The following EDNRB variants were observed in gnomAD, a reference collection of about 807,000 sequenced individuals.
EDNRB encodes the protein endothelin receptor type B.
A neutral mutation model predicts 46.4 loss-of-function variants in EDNRB; 18 were observed. The ratio of observed to expected loss-of-function variants is 0.39; its 90% CI spans 0.27 to 0.57. The LOEUF is 0.57. Among genes scored for constraint, EDNRB ranks in the 20% least tolerant of loss-of-function variants. The pLI, the probability that EDNRB is intolerant of heterozygous loss-of-function variation, is 0.61. For missense variants in EDNRB, 434 were observed against 537.5 expected (o/e 0.81, Z 1.90); for synonymous variants, 213 against 204.9 (o/e 1.04, Z -0.34).
intron 1 of EDNRB, among the ~76,000 whole-genome samples, chr13:77,973,800 C>G: frequency 6.6e-6 from 1 of 152,032 alleles, no homozygotes; most frequent in East Asian, 1.9e-4. Flanking sequence ...ATGACTTTCG[C>G]AGGCAGTTCT....
chr13:77,948,238 A>AT lies in EDNRB; in HGVS notation c.-52+27108dup, dbSNP rs201104145. Among the ~76,000 whole-genome samples the AT allele has an allele frequency of 7.3e-4, 111 of 151,736 alleles. No homozygotes were observed. In the East Asian group the frequency reaches 0.017, roughly 23 times the overall value. On this transcript the variant is annotated intron_variant, in intron 1 of 7. Transcript: ENST00000646948. ...AGATTTCCTTGGGGATCAAATAGGAATTTTTTTTTCAAAGAGGAATTTTAA... is the reference window on the plus strand; with the variant it reads ...AGATTTCCTTGGGGATCAAATAGGAATTTTTTTTTTCAAAGAGGAATTTTAA...
chr13:77,964,632 G>A (rs559542182), intron 1 of EDNRB, among the ~76,000 whole-genome samples: 12 of 152,304 alleles, frequency 7.9e-5, no homozygotes, highest in African/African-American at 2.6e-4. Flanking sequence ...CTGTCATGGG[G>A]TGCGGAGAAG....
At position 77,916,552 on chromosome 13, in the gene EDNRB, A is replaced by G. The variant is rs532312175; in HGVS notation, c.483+1539T>C. On this transcript the variant is annotated intron_variant, in intron 1 of 6. Transcript: ENST00000646607. ...TTTAGAGAAAACTATATCCTAATCC[A>G]CTCTCACCGCTAAACCTCAGAAATG... Among the ~76,000 whole-genome samples the G allele has an allele frequency of 2.6e-5, 4 of 152,158 alleles. No individual in the cohort carries two copies. The South Asian group carries it at 8.3e-4, about 32-fold the overall frequency.
chr13:77,920,164 A>G (rs568613240), upstream of EDNRB, among the ~76,000 whole-genome samples: 1 of 152,192 alleles, frequency 6.6e-6, no homozygotes, highest in African/African-American at 2.4e-5. Context: ...AGGCATTTTT[A>G]TACTGTACCT....
exon 1 of EDNRB, chr13:77,975,374 A>G (rs1030269273): frequency 6.6e-6 from 1 of 152,390 alleles, no homozygotes; most frequent in South Asian, 2.1e-4. Flanking sequence ...GACTCCAAGT[A>G]CCAGTTCCTT....
At chr13:77,934,144 T>G (rs982108572) in intron 1 of EDNRB, among the ~76,000 whole-genome samples, 7 of 152,142 alleles carry the variant, frequency 4.6e-5, no homozygotes, top group Non-Finnish European at 4.4e-5. Flanking sequence ...AGGGCATGTA[T>G]GCGTAGTTGA....
chr13:77,914,548 G>T (rs1166096886), intron 1 of EDNRB, among the ~76,000 whole-genome samples: 1 of 152,116 alleles, frequency 6.6e-6, no homozygotes, highest in Non-Finnish European at 1.5e-5. Context: ...CGTAAGCAAC[G>T]CTTATTATTT....
At chr13:77,967,257 G>A (rs1358385788) in intron 1 of EDNRB, among the ~76,000 whole-genome samples, 2 of 151,852 alleles carry the variant, frequency 1.3e-5, no homozygotes, top group Non-Finnish European at 2.9e-5. Flanking sequence ...ACCTTTTTTT[G>A]TCTTCTTTAA....
intron 1 of EDNRB, among the ~76,000 whole-genome samples, chr13:77,959,153 C>T (rs139055331): frequency 1.2e-3 from 181 of 152,306 alleles, no homozygotes; most frequent in African/African-American, 4.3e-3. Context: ...TGAACCTCTG[C>T]AGACTTAAAT....
At chr13:77,969,968 G>T (rs908571380) in intron 1 of EDNRB, among the ~76,000 whole-genome samples, 1 of 152,004 alleles carries the variant, frequency 6.6e-6, no homozygotes, top group Non-Finnish European at 1.5e-5. Context: ...AAAAAACTTG[G>T]TTTTCCTTGA....
intron 1 of EDNRB, among the ~76,000 whole-genome samples, chr13:77,955,509 T>C (rs1881210021): frequency 6.6e-6 from 1 of 152,174 alleles, no homozygotes; most frequent in African/African-American, 2.4e-5. Context: ...TTTTGTTGCT[T>C]ATGCTTTTGG....
chr13:77,918,724 C>T lies in EDNRB; in HGVS notation c.-151G>A, dbSNP rs200454260. Reference sequence around the variant, plus strand: ...CCGCCCGCAGCCTCTTCGCCAGTATCCACGCTCAAAAGTAACTCAAGTTTG... The same window carrying T: ...CCGCCCGCAGCCTCTTCGCCAGTATTCACGCTCAAAAGTAACTCAAGTTTG... On this transcript the variant is annotated 5_prime_UTR_variant, in exon 1 of 7. Coordinates refer to ENST00000646607, the MANE Select transcript of EDNRB (RefSeq NM_001122659.3). The surrounding 1 kb of genome is among the most constrained non-coding windows in gnomAD (Gnocchi z 4.5). 9.7e-6 allele frequency: 13 copies of T among 1,344,706 alleles called. No individual in the cohort carries two copies. Among genetic ancestry groups the T allele is most frequent in the Non-Finnish European group, 1.2e-5 (13 of 1,052,694 alleles). 83.3% of individuals were successfully genotyped at this position (1,344,706 alleles called of 1,614,324 possible).
At chr13:77,900,963 TATA>T in intron 4 of EDNRB, 92 bp downstream of exon 4, 1 of 1,447,704 alleles carries the variant, frequency 6.9e-7, no homozygotes, top group Non-Finnish European at 9.5e-7. Flanking sequence ...TGCTCTGGTA[TATA>T]ATAATGTTAG....
chr13:77,975,150 G>A (rs1392330970), intron 1 of EDNRB, among the ~76,000 whole-genome samples: 1 of 152,120 alleles, frequency 6.6e-6, no homozygotes, highest in Non-Finnish European at 1.5e-5. Flanking sequence ...CAAAGTGCCG[G>A]TACAGGCACA....
chr13:77,924,768 T>A (rs146394538), upstream of EDNRB, among the ~76,000 whole-genome samples: 1,985 of 152,228 alleles, frequency 0.013, 40 homozygotes, highest in African/African-American at 0.045. Context: ...GATGATTGAA[T>A]TATGGGGGCA....
chr13:77,929,632 T>C (rs993188913), intron 1 of EDNRB, among the ~76,000 whole-genome samples: 1 of 152,166 alleles, frequency 6.6e-6, no homozygotes, highest in Non-Finnish European at 1.5e-5. Context: ...CGGGTGACTA[T>C]TCCAACACTT....
At chr13:77,960,427 C>A (rs2137683838) in intron 1 of EDNRB, among the ~76,000 whole-genome samples, 1 of 152,218 alleles carries the variant, frequency 6.6e-6, no homozygotes, top group African/African-American at 2.4e-5. Context: ...AATTTCATAT[C>A]CAGCCAAACT....
intron 1 of EDNRB, among the ~76,000 whole-genome samples, chr13:77,975,178 A>G (rs1881851776): frequency 6.6e-6 from 1 of 152,222 alleles, no homozygotes; most frequent in Non-Finnish European, 1.5e-5. Flanking sequence ...TGATCAGGCC[A>G]TGCTTCCACT....
Position 77,903,612 on chromosome 13 carries a change from A to C in EDNRB, c.484-5T>G. 1 of 1,612,292 alleles carries C rather than the reference A, an allele frequency of 6.2e-7. No homozygotes were observed. The highest frequency in any genetic ancestry group is 8.5e-7 in the Non-Finnish European group (1 of 1,178,844). On this transcript the variant is annotated splice_region_variant and splice_polypyrimidine_tract_variant and intron_variant, in intron 1 of 6. Coordinates refer to ENST00000646607, the MANE Select transcript of EDNRB (RefSeq NM_001122659.3). Reference sequence around the variant, plus strand: ...TGGCCAGTCCTCTGCCAGCAGCTGCATTGAGAAGACACGAAGCTCTGTTAG... The same window carrying C: ...TGGCCAGTCCTCTGCCAGCAGCTGCCTTGAGAAGACACGAAGCTCTGTTAG...
Sources: allele counts gnomAD v4.1 joint callset (sites outside exome capture counted in the v4.1 genomes callset), GRCh38; gene constraint gnomAD v4.1.1; non-coding constraint Gnocchi (gnomAD v3.1); transcripts MANE v1.5; gene names NCBI Gene and HGNC (gene_info 2026-07-23, HGNC 2026-07-21).